LUZP2: variants seen among roughly 807,000 people sequenced by gnomAD.
LUZP2 encodes leucine zipper protein 2.
A neutral mutation model predicts 51.6 loss-of-function variants in LUZP2; 52 were observed. The ratio of observed to expected loss-of-function variants is 1.01; its 90% CI spans 0.81 to 1.27. The LOEUF (loss-of-function observed/expected upper bound fraction) is 1.27, where lower values mean the gene tolerates loss of function less well. LUZP2 is among the 50% of genes most tolerant of loss of function. LUZP2 has a pLI of 0.00. For synonymous variants in LUZP2, 154 were observed against 137.3 expected (o/e 1.12, Z -0.85); for missense variants, 436 against 395.4 (o/e 1.10, Z -0.87).
intron 5 of LUZP2, among the ~76,000 whole-genome samples, chr11:24,824,935 G>T (rs1416328449): frequency 6.6e-6 from 1 of 151,890 alleles, no homozygotes; most frequent in Non-Finnish European, 1.5e-5. Flanking sequence ...TTATCCATTT[G>T]TTAATGAAAC....
chr11:24,527,346 C>T (rs1850838359), intron 1 of LUZP2, among the ~76,000 whole-genome samples: 1 of 150,638 alleles, frequency 6.6e-6, no homozygotes, highest in Admixed American at 6.7e-5. Context: ...GTCAAAATGG[C>T]ACTGATTTTG....
intron 10 of LUZP2, among the ~76,000 whole-genome samples, chr11:25,067,401 A>G (rs2134049920): frequency 1.3e-5 from 2 of 152,082 alleles, no homozygotes; most frequent in East Asian, 1.9e-4. Flanking sequence ...CCATTTGTCA[A>G]TTTTGGCTTT....
chr11:24,823,609 A>G (rs1163054025), intron 5 of LUZP2, among the ~76,000 whole-genome samples: 2 of 152,322 alleles, frequency 1.3e-5, no homozygotes, highest in South Asian at 2.1e-4. Context: ...TGACTTCAGC[A>G]ATATTCCAGG....
At chr11:25,011,162 T>C (rs1856974591) in intron 9 of LUZP2, among the ~76,000 whole-genome samples, 1 of 152,168 alleles carries the variant, frequency 6.6e-6, no homozygotes, top group African/African-American at 2.4e-5. Flanking sequence ...TAGCACAATA[T>C]ATTGTGACTA....
intron 1 of LUZP2, among the ~76,000 whole-genome samples, chr11:24,506,278 T>C (rs1033657048): frequency 1.3e-5 from 2 of 152,160 alleles, no homozygotes; most frequent in Admixed American, 1.3e-4. Flanking sequence ...TATAATTTTC[T>C]CTTTTCTAAT....
chr11:25,008,393 G>A (rs1205886967), intron 9 of LUZP2, among the ~76,000 whole-genome samples: 2 of 152,220 alleles, frequency 1.3e-5, no homozygotes, highest in African/African-American at 2.4e-5. Flanking sequence ...AACACCCACA[G>A]TGCAGCGAAT....
chr11:24,786,578 A>T, intron 5 of LUZP2: 1 of 297,286 alleles, frequency 3.4e-6, no homozygotes, highest in Non-Finnish European at 4.8e-6. Flanking sequence ...ATAATATATA[A>T]AATATATATT....
intron 5 of LUZP2, among the ~76,000 whole-genome samples, chr11:24,827,489 T>G (rs1156913069): frequency 6.6e-6 from 1 of 152,100 alleles, no homozygotes; most frequent in East Asian, 1.9e-4. Flanking sequence ...AATCTTGCAG[T>G]GAAATCAGAT....
intron 9 of LUZP2, among the ~76,000 whole-genome samples, chr11:25,014,310 C>T (rs533083925): frequency 6.6e-6 from 1 of 152,156 alleles, no homozygotes; most frequent in Non-Finnish European, 1.5e-5. Flanking sequence ...TTCTAGATCC[C>T]TGAGGAATCA....
At chr11:24,854,893 G>A (rs1407823359) in intron 5 of LUZP2, among the ~76,000 whole-genome samples, 7 of 151,984 alleles carry the variant, frequency 4.6e-5, no homozygotes, top group Non-Finnish European at 1.0e-4. Flanking sequence ...GGAATTTCTC[G>A]ACCCCTTTCA....
intron 1 of LUZP2, among the ~76,000 whole-genome samples, chr11:24,728,084 CTG>C (rs1858550978): frequency 1.3e-5 from 2 of 151,998 alleles, no homozygotes; most frequent in East Asian, 3.9e-4. Flanking sequence ...GGTAAGTTAA[CTG>C]TTACATTTTA....
chr11:24,619,692 A>T (rs187597822), intron 1 of LUZP2, among the ~76,000 whole-genome samples: 3 of 152,180 alleles, frequency 2.0e-5, no homozygotes, highest in Non-Finnish European at 4.4e-5. Context: ...ATAAAATCCT[A>T]TAGTATTTGC....
At chr11:24,607,063 T>C (rs1012934069) in intron 1 of LUZP2, among the ~76,000 whole-genome samples, 11 of 152,036 alleles carry the variant, frequency 7.2e-5, no homozygotes, top group Non-Finnish European at 7.4e-5. Flanking sequence ...ATCAGTTAAA[T>C]TATTTTTTTG....
At chr11:24,616,987 A>T (rs1379970324) in intron 1 of LUZP2, among the ~76,000 whole-genome samples, 1 of 152,190 alleles carries the variant, frequency 6.6e-6, no homozygotes, top group Non-Finnish European at 1.5e-5. Context: ...GTTAGGTAAA[A>T]TGTCGTATAA....
intron 10 of LUZP2, among the ~76,000 whole-genome samples, chr11:25,060,404 C>T (rs546533295): frequency 6.6e-6 from 1 of 152,192 alleles, no homozygotes; most frequent in Non-Finnish European, 1.5e-5. Context: ...AGGCTCTACC[C>T]TCATGACATA....
intron 1 of LUZP2, among the ~76,000 whole-genome samples, chr11:24,590,627 G>A (rs1212618770): frequency 2.0e-5 from 3 of 152,010 alleles, no homozygotes; most frequent in Non-Finnish European, 4.4e-5. Context: ...GCCACTTAAA[G>A]GATATCCATG....
chr11:24,912,714 G>T (rs1853673883), intron 6 of LUZP2, among the ~76,000 whole-genome samples: 1 of 152,132 alleles, frequency 6.6e-6, no homozygotes, highest in South Asian at 2.1e-4. Context: ...GGAGGCTGAG[G>T]CAGGAGAATT....
At chr11:24,651,378 A>G (rs1414823560) in intron 1 of LUZP2, among the ~76,000 whole-genome samples, 6 of 152,134 alleles carry the variant, frequency 3.9e-5, no homozygotes, top group Admixed American at 3.3e-4. Context: ...GCTTAAACAC[A>G]TATGGACACA....
At chr11:24,720,238 G>T (rs1264291558) in intron 1 of LUZP2, among the ~76,000 whole-genome samples, 2 of 130,356 alleles carry the variant, frequency 1.5e-5, no homozygotes, top group African/African-American at 5.4e-5. Flanking sequence ...AATTCTTTCA[G>T]ATAATAGAAA....
Sources: allele counts gnomAD v4.1 joint callset (sites outside exome capture counted in the v4.1 genomes callset), GRCh38; gene constraint gnomAD v4.1.1; transcripts MANE v1.5; gene names NCBI Gene and HGNC (gene_info 2026-07-23, HGNC 2026-07-21).